The following MMP20 variants were observed in gnomAD, a reference collection of about 807,000 sequenced individuals.
The protein encoded by MMP20 is matrix metalloproteinase-20.
Under a neutral mutation model 51.8 loss-of-function variants are expected in MMP20, and 50 were observed. The ratio of observed to expected loss-of-function variants is 0.97; its 90% CI spans 0.77 to 1.22. The LOEUF is 1.22. MMP20 is among the 50% of genes most tolerant of loss of function. The pLI, the probability that MMP20 is intolerant of heterozygous loss-of-function variation, is 0.00. For missense variants in MMP20, 663 were observed against 601.4 expected, an observed-to-expected ratio of 1.10 and a Z score of -1.07; for synonymous variants, 244 against 216.2, an observed-to-expected ratio of 1.13 and a Z score of -1.13.
rs1440612552 is a variant in MMP20 at position 102,577,242 on chromosome 11, C to T, written c.*84G>A. 2 of 892,966 alleles carry T rather than the reference C, an allele frequency of 2.2e-6. No individual in the cohort carries two copies. The highest frequency in any genetic ancestry group is 3.8e-6 in the Non-Finnish European group (2 of 527,960). 55.3% of individuals were successfully genotyped at this position (892,966 alleles called of 1,614,324 possible). On this transcript the variant is annotated 3_prime_UTR_variant, in exon 10 of 10. Transcript: ENST00000260228. ...TGAAGGCCTTTGGAAGAATCCCTCTCCTACATTCTGCTTTAGTCCTTAAGA... is the reference window on the plus strand; with the variant it reads ...TGAAGGCCTTTGGAAGAATCCCTCTTCTACATTCTGCTTTAGTCCTTAAGA...
intron 1 of MMP20, among the ~76,000 whole-genome samples, chr11:102,623,149 C>T (rs1326942025): frequency 6.6e-6 from 1 of 152,170 alleles, no homozygotes; most frequent in Non-Finnish European, 1.5e-5. Context: ...TAAGGAATCA[C>T]TAAAGGTCCC....
chr11:102,622,170 T>G (rs1028875039), intron 1 of MMP20, among the ~76,000 whole-genome samples: 1 of 152,174 alleles, frequency 6.6e-6, no homozygotes, highest in Non-Finnish European at 1.5e-5. Context: ...TCTTTTCAAG[T>G]GTAGATTTTT....
At chr11:102,610,362 C>G (rs1711417) in intron 3 of MMP20, among the ~76,000 whole-genome samples, 2 of 145,860 alleles carry the variant, frequency 1.4e-5, no homozygotes, top group African/African-American at 5.1e-5. Flanking sequence ...ACGACTGGGG[C>G]GGGGCGGGGC....
intron 8 of MMP20, among the ~76,000 whole-genome samples, chr11:102,588,226 ATATAAC>A (rs1859276037): frequency 6.6e-6 from 1 of 152,062 alleles, no homozygotes; most frequent in African/African-American, 2.4e-5. Flanking sequence ...CATTACTCCT[ATATAAC>A]TCTATTTCTC....
chr11:102,609,078 C>T lies in MMP20; in HGVS notation c.670G>A (p.Ala224Thr), dbSNP rs757465271. 98 of 1,614,016 alleles carry T rather than the reference C, an allele frequency of 6.1e-5. No individual in the cohort carries two copies. The highest frequency in any genetic ancestry group is 8.1e-5 in the Non-Finnish European group (96 of 1,180,018). ...GTNGFNLFTV[A>T]AHEFGHALGL... ...AGGGCATGGCCAAATTCATGAGCAG[C>T]AACGGTAAACAAATTAAAACCTAGA... The change falls in exon 5 of 10, where the codon GCT (alanine) becomes ACT (threonine). Residue 224 changes from alanine (A) to threonine (T), a missense_variant. Coordinates refer to ENST00000260228, the MANE Select transcript of MMP20 (RefSeq NM_004771.4).
At position 102,601,125 on chromosome 11, in the gene MMP20, C is replaced by CTTTTTTT. The variant is rs1168517234; in HGVS notation, c.953+5403_953+5409dup. 9.6e-3 allele frequency among the ~76,000 whole-genome samples: 272 copies of CTTTTTTT among 28,260 alleles called. 77 individuals carry two copies. The highest frequency in any genetic ancestry group is 0.032 in the African/African-American group (190 of 5,850). 18.5% of individuals were successfully genotyped at this position (28,260 alleles called of 152,430 possible). On this transcript the variant is annotated intron_variant, in intron 6 of 9. Transcript: ENST00000260228. ...AAATGACCACGAAGTGTCGGCTATT[C>CTTTTTTT]TTTTTTTTTTTTTTTTTTTTTTTTT...
intron 6 of MMP20, among the ~76,000 whole-genome samples, chr11:102,603,763 C>T (rs1859477896): frequency 6.6e-6 from 1 of 152,152 alleles, no homozygotes; most frequent in South Asian, 2.1e-4. Flanking sequence ...ATCATCTGCC[C>T]TACCCCAGTA....
In MMP20 at chr11:102,577,384, T is replaced by A; in HGVS notation, c.1394A>T (p.Asp465Val). ...ACTAACCACATCTTCCTTCTCTGTG[T>A]CATACTTGTATGTTTTTGGTCCTGA... ...FFSGPKTYKYDTEKEDVVSVV... is the reference protein window; with the variant it reads ...FFSGPKTYKYVTEKEDVVSVV... Residue 465 changes from aspartate (D) to valine (V), a missense_variant, in exon 10 of 10, where the codon GAC becomes GTC. Transcript: ENST00000260228. 1 of 1,614,076 alleles carries A rather than the reference T, an allele frequency of 6.2e-7. No homozygotes were observed. Among genetic ancestry groups the A allele is most frequent in the Non-Finnish European group, 8.5e-7 (1 of 1,179,946 alleles).
intron 8 of MMP20, among the ~76,000 whole-genome samples, chr11:102,590,070 A>T (rs1002067328): frequency 3.9e-5 from 6 of 152,204 alleles, no homozygotes; most frequent in Non-Finnish European, 7.3e-5. Flanking sequence ...CACTTTGCAT[A>T]AAATTCAGAA....
chr11:102,596,988 T>A (rs1859389076), intron 6 of MMP20, among the ~76,000 whole-genome samples: 1 of 152,234 alleles, frequency 6.6e-6, no homozygotes, highest in Non-Finnish European at 1.5e-5. Context: ...TTCCAATTAA[T>A]GCAATTCAAT....
chr11:102,577,417 T>A lies in MMP20; in HGVS notation c.1361A>T (p.Tyr454Phe), dbSNP rs1313924463. The change falls in exon 10 of 10, where the codon TAC becomes TTC. Residue 454 changes from tyrosine (Y) to phenylalanine (F), a missense_variant. Tyr to Phe is a conservative substitution (Grantham distance 22). Coordinates refer to ENST00000260228, the MANE Select transcript of MMP20 (RefSeq NM_004771.4). ...GTATGTTTTTGGTCCTGAAAAGAAG[T>A]AAATGTAGCCTAAAAGAGACAAAGT... ...DAAVELNGYI[Y>F]FFSGPKTYKY... 1.2e-6 allele frequency: 2 copies of A among 1,611,872 alleles called. No homozygotes were observed. The highest frequency in any genetic ancestry group is 1.7e-6 in the Non-Finnish European group (2 of 1,178,002).
chr11:102,609,036 T>A lies in MMP20; in HGVS notation c.712A>T (p.Thr238Ser). The change falls in exon 5 of 10, where the codon ACA becomes TCA. Residue 238 changes from threonine (T) to serine (S), a missense_variant. Coordinates refer to ENST00000260228, the MANE Select transcript of MMP20 (RefSeq NM_004771.4). ...FGHALGLAHSTDPSALMYPTY... is the reference protein window; with the variant it reads ...FGHALGLAHSSDPSALMYPTY... ...GGGTACATCAGTGCTGATGGGTCTGTGGAATGGGCCAGGCCCAGGGCATGG... is the reference window on the plus strand; with the variant it reads ...GGGTACATCAGTGCTGATGGGTCTGAGGAATGGGCCAGGCCCAGGGCATGG... The A allele has an allele frequency of 6.2e-7, 1 of 1,614,016 alleles. No individual in the cohort carries two copies. Among genetic ancestry groups the A allele is most frequent in the Non-Finnish European group, 8.5e-7 (1 of 1,179,872 alleles).
chr11:102,619,108 A>T (rs1591625165), intron 1 of MMP20, among the ~76,000 whole-genome samples: 1 of 151,414 alleles, frequency 6.6e-6, no homozygotes, highest in Admixed American at 6.6e-5. Flanking sequence ...TAGTTAGACC[A>T]CCTTAAGTAT....
Position 102,609,090 on chromosome 11 carries a change from A to C in MMP20, c.658T>G (p.Leu220Val). ...AATTCATGAGCAGCAACGGTAAACA[A>C]ATTAAAACCTAGACAATATGAGAGA... ...KWTMGTNGFN[L>V]FTVAAHEFGH... The change falls in exon 5 of 10, where the codon TTG (leucine) becomes GTG (valine). Residue 220 changes from leucine to valine, a missense_variant. Physicochemically the swap from Leu to Val is conservative, Grantham distance 32. Transcript: ENST00000260228. 1 of 1,614,196 alleles carries C rather than the reference A, an allele frequency of 6.2e-7. No homozygotes were observed. Among genetic ancestry groups the C allele is most frequent in the Admixed American group, 1.7e-5 (1 of 60,020 alleles).
At chr11:102,607,897 C>T (rs1399315112) in intron 5 of MMP20, 2 of 152,108 alleles carry the variant, frequency 1.3e-5, no homozygotes, top group Non-Finnish European at 2.9e-5. Flanking sequence ...GACATGGAGA[C>T]ATTCATGGCA....
chr11:102,620,354 C>G (rs1859734277), intron 1 of MMP20, among the ~76,000 whole-genome samples: 1 of 152,192 alleles, frequency 6.6e-6, no homozygotes, highest in African/African-American at 2.4e-5. Flanking sequence ...AATATTCTAT[C>G]AGGCACTTAG....
chr11:102,599,864 C>T (rs1390831259), intron 6 of MMP20, among the ~76,000 whole-genome samples: 1 of 152,220 alleles, frequency 6.6e-6, no homozygotes, highest in East Asian at 1.9e-4. Context: ...AAAAACCCAT[C>T]TGTAGCCAGT....
intron 6 of MMP20, among the ~76,000 whole-genome samples, chr11:102,596,432 G>T (rs555036511): frequency 5.3e-5 from 8 of 152,260 alleles, no homozygotes; most frequent in African/African-American, 1.9e-4. Flanking sequence ...TAATTTCCTG[G>T]CCAATATCAT....
At chr11:102,600,845 CTA>C (rs1859436980) in intron 6 of MMP20, among the ~76,000 whole-genome samples, 1 of 152,100 alleles carries the variant, frequency 6.6e-6, no homozygotes, top group Non-Finnish European at 1.5e-5. Flanking sequence ...TCTGCTGTGA[CTA>C]TATTCCAAAC....
Sources: gnomAD v4.1 joint callset for allele counts (sites outside exome capture counted in the v4.1 genomes callset) on GRCh38, gnomAD v4.1.1 for gene constraint, MANE v1.5 for transcripts, NCBI Gene and HGNC (gene_info 2026-07-23, HGNC 2026-07-21) for gene names.